HSD17B7: variants seen among roughly 807,000 people sequenced by gnomAD.
The protein encoded by HSD17B7 is hydroxysteroid 17-beta dehydrogenase 7.
In HSD17B7, 17 loss-of-function variants were observed where a neutral mutation model predicts 34.1. The observed-to-expected ratio is 0.50, with a 90% CI of 0.34 to 0.75. The LOEUF is 0.75. Among genes scored for constraint, HSD17B7 ranks in the 30% least tolerant of loss-of-function variants. The probability of loss-of-function intolerance (pLI) is 0.01; values close to 1 mark genes in which losing one functional copy is unlikely to be tolerated. For synonymous variants in HSD17B7, 122 were observed against 154.6 expected, an observed-to-expected ratio of 0.79 and a Z score of 1.56; for missense variants, 296 against 406.6, an observed-to-expected ratio of 0.73 and a Z score of 2.34.
intron 8 of HSD17B7, among the ~76,000 whole-genome samples, chr1:162,810,022 G>C (rs923016822): frequency 1.3e-4 from 20 of 152,060 alleles, no homozygotes; most frequent in Non-Finnish European, 2.8e-4. Flanking sequence ...TGCTTCTCTA[G>C]TTCTTTTAAT....
intron 5 of HSD17B7, among the ~76,000 whole-genome samples, chr1:162,802,036 AC>A (rs1648830876): frequency 6.6e-6 from 1 of 152,040 alleles, no homozygotes; most frequent in South Asian, 2.1e-4. Context: ...GAATAACATT[AC>A]AGGATTCCTT....
intron 2 of HSD17B7, among the ~76,000 whole-genome samples, chr1:162,794,314 A>G (rs1570996952): frequency 6.6e-6 from 1 of 152,200 alleles, no homozygotes; most frequent in East Asian, 1.9e-4. Flanking sequence ...TGAATTGATA[A>G]TCATTTGCAT....
intron 8 of HSD17B7, among the ~76,000 whole-genome samples, chr1:162,811,237 G>C (rs553494361): frequency 1.3e-5 from 2 of 152,258 alleles, no homozygotes; most frequent in Admixed American, 1.3e-4. Flanking sequence ...TGAAATTCTG[G>C]ATTGAAAATT....
chr1:162,801,963 G>C (rs529754099), intron 5 of HSD17B7, among the ~76,000 whole-genome samples: 20 of 152,276 alleles, frequency 1.3e-4, no homozygotes, highest in African/African-American at 4.8e-4. Flanking sequence ...AATCTGTTGA[G>C]ATTGGTTCTC....
chr1:162,800,477 C>T (rs187658512), intron 5 of HSD17B7, among the ~76,000 whole-genome samples: 6 of 152,298 alleles, frequency 3.9e-5, no homozygotes, highest in Middle Eastern at 3.4e-3. Flanking sequence ...AGTTATGAAA[C>T]CTTCTGGATA....
At chr1:162,794,032 G>C (rs1479593167) in intron 2 of HSD17B7, among the ~76,000 whole-genome samples, 1 of 152,142 alleles carries the variant, frequency 6.6e-6, no homozygotes, top group African/African-American at 2.4e-5. Flanking sequence ...ATTGCATGTA[G>C]GTGCACAATG....
intron 1 of HSD17B7, among the ~76,000 whole-genome samples, chr1:162,791,050 G>A (rs1378899861): frequency 6.6e-6 from 1 of 151,368 alleles, no homozygotes; most frequent in Non-Finnish European, 1.5e-5. Flanking sequence ...GAAAACTAGA[G>A]CATCAGTAAG....
chr1:162,805,341 C>G (rs1275315390), intron 7 of HSD17B7, 53 bp from the exon 8 acceptor site: 1 of 1,597,610 alleles, frequency 6.3e-7, no homozygotes, highest in African/African-American at 1.3e-5. Context: ...CTCCACCAGC[C>G]TCACTCATCT....
intron 5 of HSD17B7, chr1:162,800,340 C>A (rs1359701987): frequency 2.2e-6 from 1 of 449,308 alleles, no homozygotes; most frequent in Non-Finnish European, 4.5e-6. Flanking sequence ...GATGGTCACA[C>A]AACTTGTAAA....
At chr1:162,793,886 TA>T (rs1185625013) in intron 2 of HSD17B7, among the ~76,000 whole-genome samples, 1 of 12,146 alleles carries the variant, frequency 8.2e-5, no homozygotes, top group African/African-American at 9.0e-5. Flanking sequence ...TCCTAAGGGG[TA>T]TTTTTTTTCC....
At chr1:162,790,930 C>T (rs1173802842) in intron 1 of HSD17B7, 95 bp downstream of exon 1, 10 of 870,228 alleles carry the variant, frequency 1.1e-5, no homozygotes, top group Non-Finnish European at 1.7e-5. Context: ...CCGGAAGCGC[C>T]CGCCCCTGGC....
intron 7 of HSD17B7, among the ~76,000 whole-genome samples, chr1:162,804,971 G>A (rs1453010716): frequency 2.0e-5 from 3 of 152,212 alleles, no homozygotes; most frequent in African/African-American, 7.2e-5. Context: ...AAAGCCCACT[G>A]TATCTGAGTC....
chr1:162,798,896 A>G (rs560797239), intron 4 of HSD17B7: 11 of 280,886 alleles, frequency 3.9e-5, no homozygotes, highest in Non-Finnish European at 6.8e-5. Context: ...TGGGAGGCTG[A>G]GGCAGAAGAA....
Position 162,795,419 on chromosome 1 carries a change from T to A in HSD17B7, c.240-1166T>A, listed in dbSNP as rs559150342. On this transcript the variant is annotated intron_variant, in intron 2 of 8. Transcript: ENST00000254521. ...ACTGAAGCCAGAGCTTAATTTGATG[T>A]CTTTACTAAACATTTCCTCTCCGTT... Among the ~76,000 whole-genome samples, 3 of 152,350 alleles carry A rather than the reference T, an allele frequency of 2.0e-5. No individual in the cohort carries two copies. The South Asian group carries it at 6.2e-4, about 32-fold the overall frequency.
chr1:162,799,158 C>T (rs528535497), intron 4 of HSD17B7, among the ~76,000 whole-genome samples: 5 of 151,978 alleles, frequency 3.3e-5, no homozygotes, highest in South Asian at 2.1e-4. Flanking sequence ...TTAATTCAGT[C>T]GTTTATTATA....
intron 3 of HSD17B7, chr1:162,797,155 A>T (rs1648639406): frequency 6.1e-6 from 1 of 163,066 alleles, no homozygotes; most frequent in Non-Finnish European, 1.3e-5. Context: ...GAGAATTCTT[A>T]TTTATAGGAA....
chr1:162,806,457 C>T (rs1236790632), intron 8 of HSD17B7, among the ~76,000 whole-genome samples: 1 of 152,204 alleles, frequency 6.6e-6, no homozygotes, highest in African/African-American at 2.4e-5. Flanking sequence ...TTGCAAGAAG[C>T]AGTTCCTCTA....
chr1:162,792,549 G>A (rs1648444324), intron 1 of HSD17B7, 110 bp from the exon 2 acceptor site: 1 of 1,409,530 alleles, frequency 7.1e-7, no homozygotes, highest in Non-Finnish European at 9.5e-7. Context: ...CTTTCTATCT[G>A]GGCTTCTCAT....
Position 162,792,717 on chromosome 1 carries a change from T to C in HSD17B7, c.94T>C (p.Cys32Arg). Residue 32 changes from cysteine to arginine, a missense_variant, in exon 2 of 9, where the codon TGT (cysteine) becomes CGT (arginine). Cys to Arg is a radical substitution (Grantham distance 180). Coordinates refer to ENST00000254521, the MANE Select transcript of HSD17B7 (RefSeq NM_016371.4). Reference protein sequence around the residue: ...LLAEDDELHLCLACRNMSKAE... With the variant: ...LLAEDDELHLRLACRNMSKAE... ...GGCGGAAGATGATGAGCTTCATCTG[T>C]GTTTGGCGTGCAGGAACATGAGCAA... 1 of 1,614,178 alleles carries C rather than the reference T, an allele frequency of 6.2e-7. No individual in the cohort carries two copies. Among genetic ancestry groups the C allele is most frequent in the South Asian group, 1.1e-5 (1 of 91,084 alleles).
Sources: gnomAD v4.1 joint callset for allele counts (sites outside exome capture counted in the v4.1 genomes callset) on GRCh38, gnomAD v4.1.1 for gene constraint, MANE v1.5 for transcripts, NCBI Gene and HGNC (gene_info 2026-07-23, HGNC 2026-07-21) for gene names.